The following FARS2 variants were observed in gnomAD, a reference collection of about 807,000 sequenced individuals.
FARS2 encodes phenylalanyl-tRNA synthetase 2, mitochondrial.
A neutral mutation model predicts 46.4 loss-of-function variants in FARS2; 40 were observed. That is an observed-to-expected ratio of 0.86 (90% CI 0.67 to 1.12). The LOEUF is 1.12. Among genes scored for constraint, FARS2 ranks in the 50% most tolerant of loss-of-function variants. The probability of loss-of-function intolerance (pLI) is 0.00; values close to 1 mark genes in which losing one functional copy is unlikely to be tolerated. For synonymous variants in FARS2, 234 were observed against 214.9 expected (o/e 1.09, Z -0.78); for missense variants, 513 against 567.9 (o/e 0.90, Z 0.98).
intron 5 of FARS2, among the ~76,000 whole-genome samples, chr6:5,563,026 T>G (rs1772099882): frequency 1.3e-5 from 2 of 151,880 alleles, no homozygotes; most frequent in African/African-American, 4.8e-5. Flanking sequence ...GCAGAAAGTT[T>G]AATAGGCAAG....
At position 5,756,369 on chromosome 6, in the gene FARS2, T is replaced by C. The variant is rs964235795; in HGVS notation, c.1218-14922T>C. Among the ~76,000 whole-genome samples, 5 of 152,338 alleles carry C rather than the reference T, an allele frequency of 3.3e-5. 1 individual carries two copies. Among genetic ancestry groups the C allele is most frequent in the East Asian group, 3.9e-4 (2 of 5,188 alleles). ...TGAAGAACAACCCGAGACTGGGTAA[T>C]TTGTGAAGAAAAGAGGTTTAATTGA... is the stretch of plus-strand genomic sequence containing the variant. On this transcript the variant is annotated intron_variant, in intron 6 of 6. Coordinates refer to ENST00000274680, the MANE Select transcript of FARS2 (RefSeq NM_006567.5).
At chr6:5,622,625 C>A (rs756947927) in intron 6 of FARS2, among the ~76,000 whole-genome samples, 1 of 152,168 alleles carries the variant, frequency 6.6e-6, no homozygotes, top group Non-Finnish European at 1.5e-5. Context: ...ACACAGTGTT[C>A]GTCCCTTTTG....
chr6:5,668,992 A>G (rs1778304162), intron 6 of FARS2, among the ~76,000 whole-genome samples: 2 of 152,158 alleles, frequency 1.3e-5, no homozygotes, highest in African/African-American at 4.8e-5. Context: ...CACCACACCC[A>G]GCCCACGTTG....
chr6:5,628,613 C>T (rs1241507801), intron 6 of FARS2, among the ~76,000 whole-genome samples: 1 of 152,258 alleles, frequency 6.6e-6, no homozygotes, highest in East Asian at 1.9e-4. Context: ...GCTTGGATTA[C>T]TCCTCCAGCG....
intron 1 of FARS2, among the ~76,000 whole-genome samples, chr6:5,276,678 C>G (rs1272234078): frequency 6.6e-6 from 1 of 152,052 alleles, no homozygotes; most frequent in Non-Finnish European, 1.5e-5. Context: ...GTGGATCACT[C>G]TGGGTCCCCA....
intron 4 of FARS2, among the ~76,000 whole-genome samples, chr6:5,455,768 G>T (rs1764815219): frequency 6.6e-6 from 1 of 152,166 alleles, no homozygotes; most frequent in Non-Finnish European, 1.5e-5. Flanking sequence ...TTAACTAACT[G>T]ATTACTGTCT....
rs367557080 is a variant in FARS2, at chr6:5,286,595, A to C, written c.-22+24935A>C. 5.9e-5 allele frequency among the ~76,000 whole-genome samples: 9 copies of C among 152,244 alleles called. No individual in the cohort carries two copies. In the South Asian group the frequency reaches 1.4e-3, roughly 25 times the overall value. ...CTATTCAGAATATAAAGTGTGTTTT[A>C]CTACCCATGCTCTATCACTCTGTAT... is the stretch of plus-strand genomic sequence containing the variant. On this transcript the variant is annotated intron_variant, in intron 1 of 6. Coordinates refer to ENST00000274680, the MANE Select transcript of FARS2 (RefSeq NM_006567.5).
Position 5,471,606 on chromosome 6 carries a change from A to G in FARS2, c.904+40434A>G, listed in dbSNP as rs1439393590. ...GCTATTCTAGTGGCTCTTTGCTTTT[A>G]ACCAACAAAGGCCCTTAAGAAAAGG... On this transcript the variant is annotated intron_variant, in intron 4 of 6. Transcript: ENST00000274680. This position sits in a 1 kb window ranked among gnomAD's most constrained non-coding sequence, Gnocchi z 4.1. Among the ~76,000 whole-genome samples the G allele has an allele frequency of 6.6e-6, 1 of 152,228 alleles. No homozygotes were observed. Among genetic ancestry groups the G allele is most frequent in the Non-Finnish European group, 1.5e-5 (1 of 68,034 alleles).
At chr6:5,653,888 G>A (rs948474217) in intron 6 of FARS2, among the ~76,000 whole-genome samples, 1 of 152,244 alleles carries the variant, frequency 6.6e-6, no homozygotes, top group East Asian at 1.9e-4. Context: ...GTGGAGAAGG[G>A]CAGGCTGCCT....
At chr6:5,732,333 G>A (rs1233691878) in intron 6 of FARS2, among the ~76,000 whole-genome samples, 15 of 152,096 alleles carry the variant, frequency 9.9e-5, no homozygotes, top group Admixed American at 9.8e-4. Flanking sequence ...TGACCCAGGT[G>A]TGTTCAGCCT....
At chr6:5,260,752 T>C (rs374797628), upstream of FARS2, 1 of 1,540,372 alleles carries the variant, frequency 6.5e-7, no homozygotes, top group Non-Finnish European at 8.7e-7. Flanking sequence ...GAAAAAAAAA[T>C]AAACGGGTCC....
intron 2 of FARS2, among the ~76,000 whole-genome samples, chr6:5,384,230 A>G (rs974598444): frequency 2.0e-5 from 3 of 152,216 alleles, no homozygotes; most frequent in African/African-American, 7.2e-5. Flanking sequence ...TGGCAGTAAT[A>G]TTAATCTACT....
At chr6:5,614,269 A>C (rs1333884029) in intron 6 of FARS2, among the ~76,000 whole-genome samples, 1 of 152,194 alleles carries the variant, frequency 6.6e-6, no homozygotes, top group Admixed American at 6.5e-5. Flanking sequence ...GAGAAGAAAC[A>C]GTCACCAAAT....
chr6:5,275,969 T>G (rs1375439859), intron 1 of FARS2, among the ~76,000 whole-genome samples: 1 of 152,316 alleles, frequency 6.6e-6, no homozygotes, highest in East Asian at 1.9e-4. Flanking sequence ...AGTGAATGTT[T>G]TTATTTTCTG....
intron 6 of FARS2, among the ~76,000 whole-genome samples, chr6:5,708,840 T>C (rs1489609255): frequency 6.6e-6 from 1 of 152,164 alleles, no homozygotes; most frequent in Non-Finnish European, 1.5e-5. Flanking sequence ...TTTAAATTAT[T>C]TTTTGTAGAG....
chr6:5,427,028 G>A (rs1762893565), intron 3 of FARS2, among the ~76,000 whole-genome samples: 1 of 152,186 alleles, frequency 6.6e-6, no homozygotes, highest in South Asian at 2.1e-4. Flanking sequence ...TACTATTTAT[G>A]TTTGAAGTAG....
At chr6:5,379,155 C>T (rs1218818723) in intron 2 of FARS2, among the ~76,000 whole-genome samples, 1 of 152,164 alleles carries the variant, frequency 6.6e-6, no homozygotes, top group African/African-American at 2.4e-5. Flanking sequence ...CTTAAGGGTG[C>T]CACTCTATCT....
chr6:5,409,418 T>G (rs1416139476), intron 3 of FARS2, among the ~76,000 whole-genome samples: 1 of 149,964 alleles, frequency 6.7e-6, no homozygotes. Context: ...ACCACCGTAC[T>G]CCAGCCTGGG....
rs182672574 is a variant in FARS2 at position 5,471,424 on chromosome 6, A to G, written c.904+40252A>G. Reference sequence around the variant, plus strand: ...TCTTGCTCTGGCTAATATCCCAACTAGCCCTTCATTTACGAAGAACCAAAG... The same window carrying G: ...TCTTGCTCTGGCTAATATCCCAACTGGCCCTTCATTTACGAAGAACCAAAG... On this transcript the variant is annotated intron_variant, in intron 4 of 6. Transcript: ENST00000274680. The surrounding 1 kb of genome is among the most constrained non-coding windows in gnomAD (Gnocchi z 4.1). Among the ~76,000 whole-genome samples, 3 of 152,334 alleles carry G rather than the reference A, an allele frequency of 2.0e-5. No individual in the cohort carries two copies. Among genetic ancestry groups the G allele is most frequent in the Admixed American group, 2.0e-4 (3 of 15,304 alleles).
Sources: allele counts gnomAD v4.1 joint callset (sites outside exome capture counted in the v4.1 genomes callset), GRCh38; gene constraint gnomAD v4.1.1; non-coding constraint Gnocchi (gnomAD v3.1); transcripts MANE v1.5; gene names NCBI Gene and HGNC (gene_info 2026-07-23, HGNC 2026-07-21).